Variants in GOLM1 observed in about 807,000 individuals in gnomAD.
The protein encoded by GOLM1 is golgi membrane protein 1, also known as epididymis luminal protein 46.
Under a neutral mutation model 50.5 loss-of-function variants are expected in GOLM1, and 31 were observed. The observed-to-expected ratio is 0.61, with a 90% CI of 0.46 to 0.83. The LOEUF is 0.83. GOLM1 is among the 40% of genes least tolerant of loss of function. The pLI, the probability that GOLM1 is intolerant of heterozygous loss-of-function variation, is 0.00. For synonymous variants in GOLM1, 178 were observed against 192.8 expected, an observed-to-expected ratio of 0.92 and a Z score of 0.64; for missense variants, 491 against 501.3, an observed-to-expected ratio of 0.98 and a Z score of 0.20.
At chr9:86,087,888 G>T (rs1360188104) in intron 1 of GOLM1, among the ~76,000 whole-genome samples, 1 of 152,166 alleles carries the variant, frequency 6.6e-6, no homozygotes, top group Non-Finnish European at 1.5e-5. Context: ...AGGGATATTG[G>T]TCTGAAATTT....
intron 3 of GOLM1, among the ~76,000 whole-genome samples, chr9:86,071,556 G>C (rs1834448513): frequency 6.6e-6 from 1 of 151,978 alleles, no homozygotes; most frequent in Admixed American, 6.6e-5. Context: ...GTGCAGGTCT[G>C]TAATCCCAGC....
chr9:86,030,922 A>G (rs1235609966), intron 9 of GOLM1, among the ~76,000 whole-genome samples: 1 of 152,254 alleles, frequency 6.6e-6, no homozygotes, highest in African/African-American at 2.4e-5. Context: ...TGGTAATAAA[A>G]GAAGGTATTG....
Position 86,040,879 on chromosome 9 carries a change from A to C in GOLM1, c.468-11T>G, listed in dbSNP as rs1015955149. 3 of 1,612,784 alleles carry C rather than the reference A, an allele frequency of 1.9e-6. No individual in the cohort carries two copies. The African/African-American group carries it at 4.0e-5, about 22-fold the overall frequency. On this transcript the variant is annotated splice_polypyrimidine_tract_variant and intron_variant, in intron 5 of 9. Transcript: ENST00000388712. The stretch of plus-strand genomic sequence containing the variant: ...TTGATGCACTGGCTCCTTTGGTGAA[A>C]GAAAGCAAAGGAAGGGCCTGACGTC...
intron 3 of GOLM1, among the ~76,000 whole-genome samples, chr9:86,058,751 C>T (rs867978552): frequency 6.6e-6 from 1 of 150,588 alleles, no homozygotes; most frequent in Non-Finnish European, 1.5e-5. Flanking sequence ...AATCCCAGCA[C>T]TTTGGAAGTC....
At chr9:86,054,632 T>C (rs1253786198) in intron 3 of GOLM1, among the ~76,000 whole-genome samples, 1 of 152,178 alleles carries the variant, frequency 6.6e-6, no homozygotes, top group African/African-American at 2.4e-5. Flanking sequence ...ACCCGCCTAC[T>C]AAGAGGCAAA....
intron 5 of GOLM1, among the ~76,000 whole-genome samples, chr9:86,041,454 C>T (rs1833347274): frequency 6.6e-6 from 1 of 152,192 alleles, no homozygotes; most frequent in Admixed American, 6.5e-5. Context: ...ACATAAAACA[C>T]TCAGACAAAC....
intron 3 of GOLM1, among the ~76,000 whole-genome samples, chr9:86,053,606 A>AC (rs1833872496): frequency 4.5e-4 from 2 of 4,464 alleles, no homozygotes; most frequent in Non-Finnish European, 7.9e-4. Context: ...CCACACACAC[A>AC]TCACACACCA....
At chr9:86,045,889 G>A (rs753964911) in intron 5 of GOLM1, among the ~76,000 whole-genome samples, 2 of 152,046 alleles carry the variant, frequency 1.3e-5, no homozygotes, top group African/African-American at 2.4e-5. Flanking sequence ...CTTCCCACAC[G>A]TTAGCTATAT....
At chr9:86,054,356 C>T (rs12352838) in intron 3 of GOLM1, among the ~76,000 whole-genome samples, 2,505 of 151,824 alleles carry the variant, frequency 0.016, 68 homozygotes, top group African/African-American at 0.047. Flanking sequence ...CAACCTCCAC[C>T]TCCTGGGTTC....
intron 6 of GOLM1, among the ~76,000 whole-genome samples, chr9:86,039,967 CAAAA>C (rs202123864): frequency 1.4e-5 from 1 of 72,368 alleles, no homozygotes; most frequent in Admixed American, 1.6e-4. Flanking sequence ...GATGCCCTCT[CAAAA>C]AAAAAAAAAA....
intron 8 of GOLM1, among the ~76,000 whole-genome samples, chr9:86,034,593 G>C (rs1188122603): frequency 6.6e-6 from 1 of 152,220 alleles, no homozygotes; most frequent in African/African-American, 2.4e-5. Context: ...GGATACTTAG[G>C]GGGAGGCTGA....
intron 1 of GOLM1, 61 bp from the exon 2 acceptor site, chr9:86,079,402 C>T (rs1256203761): frequency 6.8e-6 from 9 of 1,326,086 alleles, no homozygotes; most frequent in Middle Eastern, 2.2e-4. Flanking sequence ...CGAAGCAGAC[C>T]GTATCATCCT....
At chr9:86,030,528 T>C (rs1055746033) in intron 9 of GOLM1, among the ~76,000 whole-genome samples, 3 of 151,952 alleles carry the variant, frequency 2.0e-5, no homozygotes, top group African/African-American at 4.8e-5. Context: ...CAAGCACAGA[T>C]TGAGGGACTT....
intron 1 of GOLM1, among the ~76,000 whole-genome samples, chr9:86,093,545 G>C (rs748652306): frequency 1.3e-5 from 2 of 148,918 alleles, no homozygotes; most frequent in Non-Finnish European, 1.5e-5. Flanking sequence ...ATGCCAGCCT[G>C]GGCGACAGAG....
At chr9:86,090,899 G>A (rs565623651) in intron 1 of GOLM1, among the ~76,000 whole-genome samples, 1 of 152,184 alleles carries the variant, frequency 6.6e-6, no homozygotes, top group African/African-American at 2.4e-5. Context: ...AGGCACCTGA[G>A]GGTATCTCCT....
chr9:86,099,039 G>C (rs1220148827), intron 1 of GOLM1, among the ~76,000 whole-genome samples: 1 of 152,194 alleles, frequency 6.6e-6, no homozygotes, highest in Non-Finnish European at 1.5e-5. Context: ...GTGCGACTTA[G>C]GGGGTGCACG....
intron 9 of GOLM1, among the ~76,000 whole-genome samples, chr9:86,029,984 G>A (rs1832919869): frequency 6.6e-6 from 1 of 152,184 alleles, no homozygotes; most frequent in Non-Finnish European, 1.5e-5. Context: ...GGCTGAGGCA[G>A]GCAGATCACC....
At chr9:86,089,422 A>G (rs1021346983) in intron 1 of GOLM1, among the ~76,000 whole-genome samples, 1 of 152,070 alleles carries the variant, frequency 6.6e-6, no homozygotes, top group Non-Finnish European at 1.5e-5. Context: ...CTTTTCACAT[A>G]GTTCCATATT....
rs114438638 is a variant in GOLM1 at position 86,035,751 on chromosome 9, G to T, written c.758-126C>A. On this transcript the variant is annotated intron_variant, in intron 7 of 9. Coordinates refer to ENST00000388712, the MANE Select transcript of GOLM1 (RefSeq NM_016548.4). ...TTCCCAAGGAGTGGGGGTGGGGTGG[G>T]CTGCACACAGGAGAACAACCAGGTA... 4,550 of 833,560 alleles carry T rather than the reference G, an allele frequency of 5.5e-3. 146 individuals are homozygous for T. In the African/African-American group the frequency reaches 0.069, roughly 13 times the overall value. The allele number at this position is 833,560 out of a possible 1,614,324, so 51.6% of individuals were successfully genotyped here.
Sources: allele counts gnomAD v4.1 joint callset (sites outside exome capture counted in the v4.1 genomes callset), GRCh38; gene constraint gnomAD v4.1.1; transcripts MANE v1.5; gene names NCBI Gene and HGNC (gene_info 2026-07-23, HGNC 2026-07-21).